Variants in ADAMTS12 observed in about 807,000 individuals in gnomAD.
The protein encoded by ADAMTS12 is A disintegrin and metalloproteinase with thrombospondin motifs 12.
ADAMTS12 carries 118 observed loss-of-function variants against 167.8 expected under a neutral mutation model. That is an observed-to-expected ratio of 0.70 (90% CI 0.61 to 0.82). The LOEUF (loss-of-function observed/expected upper bound fraction) is 0.82. ADAMTS12 is among the 40% of genes least tolerant of loss of function. The pLI is 0.00. For missense variants in ADAMTS12, 1,916 were observed against 1,998.8 expected, an observed-to-expected ratio of 0.96 and a Z score of 0.79; for synonymous variants, 704 against 716.9, an observed-to-expected ratio of 0.98 and a Z score of 0.29.
chr5:33,601,859 A>G (rs2112053408), intron 16 of ADAMTS12, among the ~76,000 whole-genome samples: 2 of 152,358 alleles, frequency 1.3e-5, no homozygotes, highest in South Asian at 2.1e-4. Context: ...ATAAGAATTT[A>G]TATAAGAAAT....
At chr5:33,865,960 T>A (rs1212841482) in intron 2 of ADAMTS12, among the ~76,000 whole-genome samples, 1 of 152,080 alleles carries the variant, frequency 6.6e-6, no homozygotes, top group African/African-American at 2.4e-5. Flanking sequence ...AAATCACAGA[T>A]GATACAAACA....
At position 33,523,882 on chromosome 5, in the gene ADAMTS12, T is replaced by A. The variant is rs1396709880; in HGVS notation, c.*3306A>T. 1 of 152,154 alleles carries A rather than the reference T, an allele frequency of 6.6e-6. No homozygotes were observed. Among genetic ancestry groups the A allele is most frequent in the Non-Finnish European group, 1.5e-5 (1 of 68,038 alleles). The allele number at this position is 152,154 out of a possible 1,614,324, so 9.4% of individuals were successfully genotyped here. A position where few individuals can be genotyped will look rare whatever the true frequency, so the allele number is the denominator to read the frequency against. On this transcript the variant is annotated 3_prime_UTR_variant, in exon 24 of 24. Transcript: ENST00000504830. ...ATGTGGCCTCTCCTTCAAAAGTGAA[T>A]CACTGTGGACCAAGCACCAGAAACA...
chr5:33,683,402 C>T (rs1158710595), intron 4 of ADAMTS12, among the ~76,000 whole-genome samples: 1 of 152,148 alleles, frequency 6.6e-6, no homozygotes, highest in African/African-American at 2.4e-5. Context: ...TACCTTTTCC[C>T]ACCTCAATAG....
At chr5:33,855,763 G>T (rs1341297490) in intron 2 of ADAMTS12, among the ~76,000 whole-genome samples, 1 of 151,880 alleles carries the variant, frequency 6.6e-6, no homozygotes, top group Non-Finnish European at 1.5e-5. Flanking sequence ...TTGCTCTATT[G>T]CCCGGGCTAG....
chr5:33,887,079 A>G (rs760180822), intron 1 of ADAMTS12, among the ~76,000 whole-genome samples: 7 of 152,136 alleles, frequency 4.6e-5, no homozygotes, highest in Non-Finnish European at 8.8e-5. Flanking sequence ...GCAAGCTAAG[A>G]TTAGTTTGGC....
At chr5:33,584,825 G>A (rs1287754014) in intron 18 of ADAMTS12, among the ~76,000 whole-genome samples, 3 of 152,064 alleles carry the variant, frequency 2.0e-5, no homozygotes, top group African/African-American at 7.2e-5. Context: ...TAACATGTTG[G>A]TTCATAATTG....
intron 9 of ADAMTS12, 145 bp from the exon 10 acceptor site, chr5:33,643,615 TAG>T (rs1740550567): frequency 1.4e-6 from 1 of 715,376 alleles, no homozygotes; most frequent in Non-Finnish European, 2.4e-6. Flanking sequence ...AAGCAATCAT[TAG>T]AGTTTTCAGT....
intron 2 of ADAMTS12, among the ~76,000 whole-genome samples, chr5:33,835,947 CTCTCTCTGTGTGTGTGTG>C (rs755757948): frequency 0.054 from 2,272 of 42,318 alleles, 108 homozygotes; most frequent in East Asian, 0.28. Flanking sequence ...CTCTCTCTCT[CTCTCTCTGTGTGTGTGTG>C]TGTGTCCATC....
chr5:33,604,184 C>T (rs1261633819), intron 16 of ADAMTS12, among the ~76,000 whole-genome samples: 3 of 152,106 alleles, frequency 2.0e-5, no homozygotes, highest in Admixed American at 6.5e-5. Flanking sequence ...AGATTCAACA[C>T]TCGTTTATAA....
chr5:33,646,721 A>G (rs1227504371), intron 9 of ADAMTS12, among the ~76,000 whole-genome samples: 2 of 128,228 alleles, frequency 1.6e-5, no homozygotes, highest in Non-Finnish European at 3.5e-5. Context: ...ACAAAACAAA[A>G]TAACACGTAA....
intron 19 of ADAMTS12, among the ~76,000 whole-genome samples, chr5:33,570,512 G>A (rs1450914956): frequency 6.6e-6 from 1 of 151,992 alleles, no homozygotes; most frequent in Non-Finnish European, 1.5e-5. Context: ...CATAAGTAAA[G>A]GAGAAATAAA....
intron 2 of ADAMTS12, among the ~76,000 whole-genome samples, chr5:33,859,944 CAACACAAAGGA>C (rs1749542268): frequency 6.6e-6 from 1 of 152,094 alleles, no homozygotes; most frequent in Non-Finnish European, 1.5e-5. Context: ...GAAAACTAAC[CAACACAAAGGA>C]ATAGCATCAA....
chr5:33,683,618 C>G (rs879897447), intron 4 of ADAMTS12, among the ~76,000 whole-genome samples: 1 of 152,076 alleles, frequency 6.6e-6, no homozygotes, highest in South Asian at 2.1e-4. Flanking sequence ...TTGGAAAATA[C>G]CTACCAGAAG....
intron 3 of ADAMTS12, among the ~76,000 whole-genome samples, chr5:33,698,646 CTTAAG>C (rs1742873759): frequency 6.6e-6 from 1 of 152,240 alleles, no homozygotes; most frequent in African/African-American, 2.4e-5. Context: ...TTTTAAAAAG[CTTAAG>C]TTAAGCACAG....
Position 33,860,962 on chromosome 5 carries a change from C to A in ADAMTS12, c.489+20157G>T, listed in dbSNP as rs554781650. ...TCATAAGCAAAGGAGAAATAAAATC[C>A]TTTACACACAAGCAAATGCTGAGAG... On this transcript the variant is annotated intron_variant, in intron 2 of 23. Transcript: ENST00000504830. 2.6e-5 allele frequency among the ~76,000 whole-genome samples: 4 copies of A among 152,226 alleles called. No homozygotes were observed. The East Asian group carries it at 7.7e-4, about 29-fold the overall frequency.
chr5:33,800,433 C>G (rs1037639954), intron 2 of ADAMTS12, among the ~76,000 whole-genome samples: 1 of 152,154 alleles, frequency 6.6e-6, no homozygotes, highest in African/African-American at 2.4e-5. Flanking sequence ...TTCCAAAGAG[C>G]TCAATACTAC....
chr5:33,546,377 A>T (rs935592068), intron 21 of ADAMTS12, among the ~76,000 whole-genome samples, 175 bp from the exon 22 acceptor site: 25 of 143,070 alleles, frequency 1.7e-4, no homozygotes, highest in African/African-American at 6.5e-4. Context: ...TCACTATTTA[A>T]AAAAAAAAAG....
chr5:33,566,819 G>A (rs1746037684), intron 19 of ADAMTS12, among the ~76,000 whole-genome samples: 1 of 152,198 alleles, frequency 6.6e-6, no homozygotes, highest in Non-Finnish European at 1.5e-5. Flanking sequence ...ACAACGGAAT[G>A]TAGGCAGAAG....
At chr5:33,772,834 A>G (rs1458169149) in intron 2 of ADAMTS12, among the ~76,000 whole-genome samples, 1 of 152,192 alleles carries the variant, frequency 6.6e-6, no homozygotes, top group East Asian at 1.9e-4. Context: ...TAAGGCTTGG[A>G]CCCTGCCTTC....
Sources: gnomAD v4.1 joint callset for allele counts (sites outside exome capture counted in the v4.1 genomes callset) on GRCh38, gnomAD v4.1.1 for gene constraint, MANE v1.5 for transcripts, NCBI Gene and HGNC (gene_info 2026-07-23, HGNC 2026-07-21) for gene names.